IGFBP7: variants seen among roughly 807,000 people sequenced by gnomAD.
IGFBP7 encodes the protein insulin-like growth factor-binding protein 7.
A neutral mutation model predicts 29.4 loss-of-function variants in IGFBP7; 31 were observed. The ratio of observed to expected loss-of-function variants is 1.05; its 90% CI spans 0.79 to 1.42. The LOEUF is 1.42. Among genes scored for constraint, IGFBP7 ranks in the 40% most tolerant of loss-of-function variants. IGFBP7 has a pLI of 0.00. For synonymous variants in IGFBP7, 172 were observed against 174.9 expected (o/e 0.98, Z 0.13); for missense variants, 393 against 395.5 (o/e 0.99, Z 0.05).
At chr4:57,054,025 T>C (rs1291085789) in intron 1 of IGFBP7, among the ~76,000 whole-genome samples, 1 of 152,066 alleles carries the variant, frequency 6.6e-6, no homozygotes, top group African/African-American at 2.4e-5. Context: ...CTTCTTTTCT[T>C]GGGATGAGAT....
chr4:57,049,489 T>C (rs1724447784), intron 1 of IGFBP7, among the ~76,000 whole-genome samples: 2 of 152,168 alleles, frequency 1.3e-5, no homozygotes, highest in South Asian at 4.1e-4. Flanking sequence ...CCAGCACCTT[T>C]GCTTATGCTG....
chr4:57,052,230 AACTG>A (rs1724521741), intron 1 of IGFBP7, among the ~76,000 whole-genome samples: 2 of 152,346 alleles, frequency 1.3e-5, no homozygotes, highest in South Asian at 4.1e-4. Flanking sequence ...ACTACCCAGT[AACTG>A]ACTGGATGTA....
chr4:57,046,755 A>C (rs945456890), intron 1 of IGFBP7, among the ~76,000 whole-genome samples: 4 of 149,470 alleles, frequency 2.7e-5, no homozygotes, highest in Non-Finnish European at 5.9e-5. Context: ...CCTTGTACCC[A>C]CCCTCGGCAA....
intron 1 of IGFBP7, among the ~76,000 whole-genome samples, chr4:57,080,211 G>T (rs1386666550): frequency 6.6e-6 from 1 of 152,130 alleles, no homozygotes; most frequent in Non-Finnish European, 1.5e-5. Context: ...CTGAAGACTG[G>T]ATTTTCAAAA....
intron 1 of IGFBP7, among the ~76,000 whole-genome samples, chr4:57,107,673 A>G (rs560326690): frequency 6.6e-6 from 1 of 152,338 alleles, no homozygotes; most frequent in Admixed American, 6.5e-5. Context: ...TAGGATGAGA[A>G]GAAATGGCTA....
At chr4:57,102,243 G>A (rs1174625547) in intron 1 of IGFBP7, among the ~76,000 whole-genome samples, 3 of 152,110 alleles carry the variant, frequency 2.0e-5, no homozygotes, top group Non-Finnish European at 4.4e-5. Flanking sequence ...CTTATAAGGC[G>A]GTTTCTTCTA....
At chr4:57,038,497 G>A (rs11133473) in intron 2 of IGFBP7, among the ~76,000 whole-genome samples, 44,723 of 151,962 alleles carry the variant, frequency 0.29, 7,002 homozygotes, top group Middle Eastern at 0.41. Context: ...TGGGCTGGTA[G>A]AACTTGCAAC....
intron 1 of IGFBP7, among the ~76,000 whole-genome samples, chr4:57,108,567 G>A (rs1176824028): frequency 2.0e-5 from 3 of 150,256 alleles, no homozygotes; most frequent in Non-Finnish European, 4.4e-5. Flanking sequence ...TTTGAGATGG[G>A]GTCTCTGTCT....
At position 57,109,973 on chromosome 4, in the gene IGFBP7, A is replaced by G. The variant is rs760909829; in HGVS notation, c.379T>C (p.Tyr127His). 1.2e-5 allele frequency: 18 copies of G among 1,547,490 alleles called. No individual in the cohort carries two copies. The highest frequency in any genetic ancestry group is 3.5e-4 in the Middle Eastern group (2 of 5,722). ...YPVCGSDGTT[Y>H]PSGCQLRAAS... is the part of the protein sequence containing the mutation. ...GCGCGCAGCTGGCAGCCGCTCGGGT[A>G]GGTGGTGCCGTCGCTGCCGCACACC... Residue 127 changes from tyrosine (Y) to histidine (H), a missense_variant, in exon 1 of 5, where the codon TAC becomes CAC. Tyr to His is a moderately conservative substitution (Grantham distance 83). Transcript: ENST00000295666.
chr4:57,056,808 C>A (rs927405602), intron 1 of IGFBP7, among the ~76,000 whole-genome samples: 3 of 152,234 alleles, frequency 2.0e-5, no homozygotes, highest in Admixed American at 2.0e-4. Context: ...CATGGAAATA[C>A]TCTTTTCTGC....
chr4:57,078,351 C>T (rs1031212151), intron 1 of IGFBP7, among the ~76,000 whole-genome samples: 5 of 152,168 alleles, frequency 3.3e-5, no homozygotes, highest in South Asian at 2.1e-4. Flanking sequence ...AAGCTAGACA[C>T]CTCCTAACCA....
In IGFBP7 at chr4:57,073,914, G is replaced by T. The variant is rs1718851; in HGVS notation, c.476-32981C>A. On this transcript the variant is annotated intron_variant, in intron 1 of 4. Coordinates refer to ENST00000295666, the MANE Select transcript of IGFBP7 (RefSeq NM_001553.3). Reference sequence around the variant, plus strand: ...TCTATCGCACAAAGGTGAGGAAAAAGGGAAGAGGAAAGATGGGAGGACCTA... The same window carrying T: ...TCTATCGCACAAAGGTGAGGAAAAATGGAAGAGGAAAGATGGGAGGACCTA... 1.7e-4 allele frequency among the ~76,000 whole-genome samples: 26 copies of T among 152,066 alleles called. No individual in the cohort carries two copies. The South Asian group carries it at 3.9e-3, about 23-fold the overall frequency.
At chr4:57,054,077 C>T (rs1724581321) in intron 1 of IGFBP7, among the ~76,000 whole-genome samples, 1 of 151,950 alleles carries the variant, frequency 6.6e-6, no homozygotes. Context: ...CCCAGGAGTC[C>T]AAGCTCAAGC....
chr4:57,044,048 G>A (rs6852762), intron 1 of IGFBP7, among the ~76,000 whole-genome samples: 33,726 of 152,144 alleles, frequency 0.22, 4,195 homozygotes, highest in African/African-American at 0.34. Context: ...TCTGAGAAGA[G>A]CATACCAGTT....
At chr4:57,040,267 T>G (rs1442117584) in intron 2 of IGFBP7, among the ~76,000 whole-genome samples, 3 of 152,134 alleles carry the variant, frequency 2.0e-5, no homozygotes, top group Admixed American at 2.0e-4. Context: ...AGGAGAAGGC[T>G]ACAGGGCTTT....
chr4:57,052,705 T>C (rs1181851171), intron 1 of IGFBP7, among the ~76,000 whole-genome samples: 4 of 152,190 alleles, frequency 2.6e-5, no homozygotes, highest in African/African-American at 9.6e-5. Flanking sequence ...AATACAATGC[T>C]GCCCTGGTGA....
intron 1 of IGFBP7, among the ~76,000 whole-genome samples, chr4:57,094,771 T>G (rs569661298): frequency 6.6e-6 from 1 of 152,350 alleles, no homozygotes; most frequent in Non-Finnish European, 1.5e-5. Flanking sequence ...TGCTGAACCC[T>G]TGACCATTTC....
At chr4:57,038,928 T>A (rs1724150416) in intron 2 of IGFBP7, among the ~76,000 whole-genome samples, 1 of 151,678 alleles carries the variant, frequency 6.6e-6, no homozygotes, top group Non-Finnish European at 1.5e-5. Context: ...TAGCCAGGCG[T>A]GGTGGCGGGT....
intron 1 of IGFBP7, among the ~76,000 whole-genome samples, chr4:57,093,945 T>C (rs568271397): frequency 6.6e-6 from 1 of 152,340 alleles, no homozygotes; most frequent in African/African-American, 2.4e-5. Flanking sequence ...TTTTTTCCCC[T>C]TCCAGTAGAA....
Sources: allele counts gnomAD v4.1 joint callset (sites outside exome capture counted in the v4.1 genomes callset), GRCh38; gene constraint gnomAD v4.1.1; transcripts MANE v1.5; gene names NCBI Gene and HGNC (gene_info 2026-07-23, HGNC 2026-07-21).